MX1: variants seen among roughly 807,000 people sequenced by gnomAD.
The protein encoded by MX1 is MX dynamin like GTPase 1.
MX1 carries 66 observed loss-of-function variants against 66.4 expected under a neutral mutation model. That is an observed-to-expected ratio of 0.99 (90% CI 0.82 to 1.22). The LOEUF (loss-of-function observed/expected upper bound fraction) is 1.22. Among genes scored for constraint, MX1 ranks in the 50% most tolerant of loss-of-function variants. MX1 has a pLI of 0.00. For missense variants in MX1, 787 were observed against 834.3 expected (o/e 0.94, Z 0.70); for synonymous variants, 311 against 318.1 (o/e 0.98, Z 0.24).
At chr21:41,456,446 G>GAAAA (rs2090961855) in intron 16 of MX1, among the ~76,000 whole-genome samples, 1 of 152,134 alleles carries the variant, frequency 6.6e-6, no homozygotes, top group African/African-American at 2.4e-5. Context: ...TCTTTTTAGG[G>GAAAA]AAACCTCATT....
upstream of MX1, among the ~76,000 whole-genome samples, chr21:41,424,226 A>AGTGTGTGTGTGTGTGT (rs3037030): frequency 4.3e-4 from 63 of 146,320 alleles, 1 homozygote; most frequent in African/African-American, 1.4e-3. Context: ...AGAGGGGTTG[A>AGTGTGTGTGTGTGTGT]GTGTGTGTGT....
rs467960 is a variant in MX1 at position 41,440,964 on chromosome 21, C to T, written c.669C>T (p.Ile223=). ...TGGTGGTCCCCAGTAATGTGGACAT[C>T]GCCACCACAGAGGCTCTCAGCATGG... The part of the protein sequence containing the change: ...SLVVVPSNVD[I]ATTEALSMAQ... The change falls in exon 9 of 17, where the codon ATC becomes ATT. Residue 223 remains isoleucine (I), a synonymous_variant. Transcript: ENST00000398598. The T allele has an allele frequency of 0.54, 871,184 of 1,613,894 alleles. 245,356 individuals are homozygous for T. Among genetic ancestry groups the T allele is most frequent in the Non-Finnish European group, 0.59 (701,303 of 1,179,892 alleles).
At chr21:41,430,228 T>A (rs1190430407) in intron 3 of MX1, among the ~76,000 whole-genome samples, 1 of 152,002 alleles carries the variant, frequency 6.6e-6, no homozygotes, top group Admixed American at 6.6e-5. Flanking sequence ...TCAACCCTCA[T>A]GGTACTGACA....
In MX1 at chr21:41,441,771, C is replaced by T. The variant is rs758721832; in HGVS notation, c.786C>T (p.Asp262=). 1.4e-5 allele frequency: 23 copies of T among 1,614,052 alleles called. No individual in the cohort carries two copies. Among genetic ancestry groups the T allele is most frequent in the African/African-American group, 6.7e-5 (5 of 74,912 alleles). Reference sequence around the variant, plus strand: ...AAGGAACTGAAGACAAGGTTGTGGACGTGGTGCGGAACCTCGTGTTCCACC... The same window carrying T: ...AAGGAACTGAAGACAAGGTTGTGGATGTGGTGCGGAACCTCGTGTTCCACC... The part of the protein sequence containing the change: ...VDKGTEDKVV[D]VVRNLVFHLK... The change falls in exon 10 of 17, where the codon GAC becomes GAT. Residue 262 remains aspartate, a synonymous_variant. Coordinates refer to ENST00000398598, the MANE Select transcript of MX1 (RefSeq NM_002462.5). This position sits in a 1 kb window ranked among gnomAD's most constrained non-coding sequence, Gnocchi z 4.0.
intron 5 of MX1, among the ~76,000 whole-genome samples, chr21:41,434,910 C>T (rs1218612735): frequency 1.3e-5 from 2 of 152,196 alleles, no homozygotes; most frequent in African/African-American, 2.4e-5. Context: ...GTATCATTTT[C>T]CTTCTACCTA....
In MX1 at chr21:41,430,209, C is replaced by A. The variant is rs115530189; in HGVS notation, c.-97-324C>A. 4.5e-3 allele frequency among the ~76,000 whole-genome samples: 678 copies of A among 152,040 alleles called. 6 individuals carry two copies. Among genetic ancestry groups the A allele is most frequent in the African/African-American group, 0.015 (642 of 41,460 alleles). ...GGGGTGATGAGTTTTGTTTTAACAA[C>A]CTGTCCCTTCAACCCTCATGGTACT... On this transcript the variant is annotated intron_variant, in intron 3 of 16. Coordinates refer to ENST00000398598, the MANE Select transcript of MX1 (RefSeq NM_002462.5).
Position 41,441,730 on chromosome 21 carries a change from C to T in MX1, c.745C>T (p.Pro249Ser), listed in dbSNP as rs766990950. 1 of 1,614,154 alleles carries T rather than the reference C, an allele frequency of 6.2e-7. No homozygotes were observed. The highest frequency in any genetic ancestry group is 1.7e-5 in the Admixed American group (1 of 60,016). ...GDRTIGILTK[P>S]DLVDKGTEDK... ...CTGGCTCGCAGGAATCTTGACGAAG[C>T]CTGATCTGGTGGACAAAGGAACTGA... The change falls in exon 10 of 17, where the codon CCT becomes TCT. Residue 249 changes from proline to serine, a missense_variant. Physicochemically the swap from Pro to Ser is moderately conservative, Grantham distance 74 (BLOSUM62 -1). Coordinates refer to ENST00000398598, the MANE Select transcript of MX1 (RefSeq NM_002462.5). The surrounding 1 kb of genome is among the most constrained non-coding windows in gnomAD (Gnocchi z 4.0).
intron 14 of MX1, chr21:41,450,895 A>G (rs2090805336): frequency 6.0e-6 from 1 of 167,790 alleles, no homozygotes; most frequent in Admixed American, 6.3e-5. Flanking sequence ...ATTAATATTT[A>G]TAATTTAAAA....
chr21:41,459,089 G>A lies in MX1; in HGVS notation c.*331G>A. 2.4e-6 allele frequency: 1 copy of A among 419,902 alleles called. No individual in the cohort carries two copies. The highest frequency in any genetic ancestry group is 4.3e-6 in the Non-Finnish European group (1 of 234,758). 26.0% of individuals were successfully genotyped at this position (419,902 alleles called of 1,614,324 possible). A position where few individuals can be genotyped will look rare whatever the true frequency, so the allele number is the denominator to read the frequency against. ...AAACTGACACATGCTGAACATCACAGCTTATTTCCTCATTTTTATAATGTC... is the reference window on the plus strand; with the variant it reads ...AAACTGACACATGCTGAACATCACAACTTATTTCCTCATTTTTATAATGTC... On this transcript the variant is annotated 3_prime_UTR_variant, in exon 17 of 17. Transcript: ENST00000398598.
intron 1 of MX1, chr21:41,426,700 G>A (rs973921613): frequency 3.9e-5 from 6 of 152,286 alleles, no homozygotes; most frequent in Non-Finnish European, 8.8e-5. Context: ...CTATTTCCTG[G>A]GAACGCGCGA....
At chr21:41,432,649 C>T (rs143752604) in intron 5 of MX1, among the ~76,000 whole-genome samples, 5 of 152,286 alleles carry the variant, frequency 3.3e-5, no homozygotes, top group Non-Finnish European at 5.9e-5. Context: ...TTGGTCCCGA[C>T]GCTGACACTC....
chr21:41,437,299 T>G (rs2090392081), intron 7 of MX1, 147 bp downstream of exon 7: 2 of 816,686 alleles, frequency 2.4e-6, no homozygotes, highest in Admixed American at 4.7e-5. Context: ...CTACTTCTTT[T>G]ACCTCATTAT....
chr21:41,429,955 C>T (rs1320860702), intron 3 of MX1: 4 of 150,248 alleles, frequency 2.7e-5, no homozygotes, highest in African/African-American at 7.4e-5. Context: ...CCTTCCAAAT[C>T]GAGCAAGGAT....
chr21:41,441,903 C>T lies in MX1; in HGVS notation c.918C>T (p.His306=), dbSNP rs2146227320. Residue 306 remains histidine (H), a synonymous_variant, in exon 10 of 17, where the codon CAC becomes CAT. Coordinates refer to ENST00000398598, the MANE Select transcript of MX1 (RefSeq NM_002462.5). The surrounding 1 kb of genome is among the most constrained non-coding windows in gnomAD (Gnocchi z 4.0). The part of the protein sequence containing the change: ...LQREKIFFEN[H]PYFRDLLEEG... ...GAGAGAAGATCTTCTTTGAGAACCA[C>T]CCATATTTCAGGTGCGCTTGCCTGG... 6.2e-7 allele frequency: 1 copy of T among 1,614,100 alleles called. No individual in the cohort carries two copies. Among genetic ancestry groups the T allele is most frequent in the Non-Finnish European group, 8.5e-7 (1 of 1,180,006 alleles).
At chr21:41,421,647 C>G (rs1474742150), upstream of MX1, among the ~76,000 whole-genome samples, 1 of 152,204 alleles carries the variant, frequency 6.6e-6, no homozygotes, top group East Asian at 1.9e-4. Context: ...TTGCACCGCC[C>G]TTAATCCATT....
At chr21:41,431,426 A>C (rs569195370) in intron 4 of MX1, among the ~76,000 whole-genome samples, 19 of 152,264 alleles carry the variant, frequency 1.2e-4, no homozygotes, top group Admixed American at 4.6e-4. Flanking sequence ...GTTCAACCTA[A>C]AATTATGACA....
chr21:41,436,048 T>G lies in MX1; in HGVS notation c.298+19T>G. ...GGCAGCGGTAAGAACTTACATTCTG[T>G]GTTAGTCTGCTCAGGCTGCCATAAC... On this transcript the variant is annotated intron_variant, in intron 6 of 16. Transcript: ENST00000398598. The G allele has an allele frequency of 6.2e-7, 1 of 1,610,732 alleles. No homozygotes were observed. The highest frequency in any genetic ancestry group is 8.5e-7 in the Non-Finnish European group (1 of 1,177,372).
chr21:41,446,117 A>G lies in MX1; in HGVS notation c.1249A>G (p.Ile417Val). Residue 417 changes from isoleucine to valine, a missense_variant, in exon 13 of 17, where the codon ATA (isoleucine) becomes GTA (valine). Ile to Val is a conservative substitution (Grantham distance 29). Coordinates refer to ENST00000398598, the MANE Select transcript of MX1 (RefSeq NM_002462.5). ...ACACGAGTTCCACAAATGGAGTACA[A>G]TAATTGAAAACAATTTTCAAGAAGG... The part of the protein sequence containing the change: ...LRHEFHKWST[I>V]IENNFQEGHK... The G allele has an allele frequency of 6.2e-7, 1 of 1,614,134 alleles. No individual in the cohort carries two copies. Among genetic ancestry groups the G allele is most frequent in the Non-Finnish European group, 8.5e-7 (1 of 1,179,988 alleles).
At chr21:41,436,601 G>C (rs1323966085) in intron 6 of MX1, among the ~76,000 whole-genome samples, 1 of 152,210 alleles carries the variant, frequency 6.6e-6, no homozygotes, top group African/African-American at 2.4e-5. Context: ...GGAGTTTACA[G>C]TAGGAGGACT....
Sources: allele counts gnomAD v4.1 joint callset (sites outside exome capture counted in the v4.1 genomes callset), GRCh38; gene constraint gnomAD v4.1.1; non-coding constraint Gnocchi (gnomAD v3.1); transcripts MANE v1.5; gene names NCBI Gene and HGNC (gene_info 2026-07-23, HGNC 2026-07-21).